SRGAP3: variants seen among roughly 807,000 people sequenced by gnomAD.
The protein encoded by SRGAP3 is SLIT-ROBO Rho GTPase-activating protein 3.
In SRGAP3, 39 loss-of-function variants were observed where a neutral mutation model predicts 121.1. The observed-to-expected ratio is 0.32, with a 90% CI of 0.25 to 0.42. The LOEUF is 0.42. Ranked by LOEUF, SRGAP3 falls within the 10% of genes least tolerant of loss-of-function variation. The probability of loss-of-function intolerance (pLI) is 1.00; values close to 1 mark genes in which losing one functional copy is unlikely to be tolerated. For synonymous variants in SRGAP3, 601 were observed against 570.0 expected (o/e 1.05, Z -0.77); for missense variants, 1,213 against 1,470.6 (o/e 0.82, Z 2.86).
intron 3 of SRGAP3, among the ~76,000 whole-genome samples, chr3:9,261,168 C>T (rs1442129590): frequency 1.3e-5 from 2 of 152,128 alleles, no homozygotes; most frequent in African/African-American, 2.4e-5. Context: ...ACAAAAAGGA[C>T]GTCCACGCAA....
chr3:9,188,965 T>C (rs1049768413), intron 1 of SRGAP3, among the ~76,000 whole-genome samples: 3 of 152,218 alleles, frequency 2.0e-5, no homozygotes, highest in South Asian at 2.1e-4. Context: ...ACTGGATTCA[T>C]TGAAGGATGG....
At chr3:9,289,630 T>C (rs956614806) in intron 3 of SRGAP3, among the ~76,000 whole-genome samples, 1 of 152,172 alleles carries the variant, frequency 6.6e-6, no homozygotes, top group Non-Finnish European at 1.5e-5. Flanking sequence ...CAGACAATTG[T>C]TTTTATCCTT....
At position 9,146,585 on chromosome 3, in the gene SRGAP3, A is replaced by G. The variant is rs561424020; in HGVS notation, c.68-21668T>C. 7.4e-4 allele frequency among the ~76,000 whole-genome samples: 112 copies of G among 152,358 alleles called. 1 individual carries two copies. The highest frequency in any genetic ancestry group is 1.3e-3 in the Non-Finnish European group (91 of 68,030). On this transcript the variant is annotated intron_variant, in intron 1 of 21. Coordinates refer to ENST00000383836, the MANE Select transcript of SRGAP3 (RefSeq NM_014850.4). ...CTACTCATACTTCAAGGCCCAATTC[A>G]GATGTCTCATGGGAGATGATGAGAT...
chr3:9,269,290 G>C (rs1451245957), intron 3 of SRGAP3, among the ~76,000 whole-genome samples: 2 of 152,208 alleles, frequency 1.3e-5, no homozygotes, highest in African/African-American at 2.4e-5. Context: ...AGGCCTGCCA[G>C]TCTGGAGTCC....
intron 1 of SRGAP3, chr3:9,217,510 A>G (rs2324708): frequency 0.33 from 49,777 of 151,954 alleles, 9,015 homozygotes; most frequent in Admixed American, 0.45. Context: ...AAGGAAGGGG[A>G]TCTACAGAGG....
chr3:8,998,604 T>C (rs560442850), intron 18 of SRGAP3, among the ~76,000 whole-genome samples: 37 of 152,230 alleles, frequency 2.4e-4, no homozygotes, highest in Non-Finnish European at 5.0e-4. Context: ...TATGTGTATA[T>C]ATACACACAT....
At chr3:9,100,946 G>A (rs975044385) in intron 3 of SRGAP3, among the ~76,000 whole-genome samples, 8 of 152,204 alleles carry the variant, frequency 5.3e-5, no homozygotes, top group African/African-American at 1.9e-4. Context: ...AGGAACCTGG[G>A]ACATCTGCCC....
intron 1 of SRGAP3, among the ~76,000 whole-genome samples, chr3:9,344,353 G>T (rs1249011365): frequency 2.0e-5 from 3 of 152,192 alleles, no homozygotes; most frequent in Admixed American, 6.5e-5. Flanking sequence ...TATTCAGGAG[G>T]CTGAGGCAGG....
chr3:9,349,016 G>A, intron 1 of SRGAP3: 1 of 948,236 alleles, frequency 1.1e-6, no homozygotes, highest in Non-Finnish European at 1.7e-6. Context: ...CCCGGGCATT[G>A]TCAAGCATCT....
At chr3:9,106,735 G>A (rs2124920151) in intron 2 of SRGAP3, among the ~76,000 whole-genome samples, 1 of 152,192 alleles carries the variant, frequency 6.6e-6, no homozygotes, top group South Asian at 2.1e-4. Flanking sequence ...ATGATTCTGA[G>A]GCTTCCCTAG....
intron 21 of SRGAP3, among the ~76,000 whole-genome samples, chr3:8,989,637 A>C (rs952387922): frequency 1.8e-4 from 27 of 152,236 alleles, no homozygotes; most frequent in Non-Finnish European, 5.9e-5. Context: ...ACCAAATTCC[A>C]GAGACAAAAA....
intron 3 of SRGAP3, among the ~76,000 whole-genome samples, chr3:9,284,875 G>A (rs1039424592): frequency 4.0e-5 from 6 of 150,020 alleles, no homozygotes; most frequent in East Asian, 1.9e-4. Context: ...TGAGGACCTC[G>A]ACAGGACCTT....
chr3:9,173,818 G>A (rs183741765), intron 1 of SRGAP3, among the ~76,000 whole-genome samples: 78 of 152,126 alleles, frequency 5.1e-4, no homozygotes, highest in African/African-American at 1.8e-3. Flanking sequence ...GGGACATATT[G>A]CAGTCTCTTA....
At chr3:9,179,055 T>C (rs1951284375) in intron 1 of SRGAP3, among the ~76,000 whole-genome samples, 1 of 152,128 alleles carries the variant, frequency 6.6e-6, no homozygotes, top group African/African-American at 2.4e-5. Flanking sequence ...ATCCTGCCCA[T>C]CGAACAAGAT....
intron 4 of SRGAP3, among the ~76,000 whole-genome samples, chr3:9,070,568 T>C (rs980896885): frequency 6.6e-6 from 1 of 152,068 alleles, no homozygotes; most frequent in East Asian, 1.9e-4. Context: ...TCAGTGAATA[T>C]GGCTGAATGG....
At chr3:9,008,345 G>A (rs1943188266) in intron 18 of SRGAP3, 1 of 152,220 alleles carries the variant, frequency 6.6e-6, no homozygotes, top group East Asian at 1.9e-4. Context: ...TCAGCCCGAG[G>A]AGCTGTGGAA....
intron 1 of SRGAP3, among the ~76,000 whole-genome samples, chr3:9,224,120 C>CA (rs1273712984): frequency 6.6e-6 from 1 of 152,206 alleles, no homozygotes; most frequent in Non-Finnish European, 1.5e-5. Flanking sequence ...ACCATGCCCG[C>CA]AGCCCTTCCA....
At chr3:9,272,718 G>T (rs2600165) in intron 3 of SRGAP3, among the ~76,000 whole-genome samples, 47,949 of 152,010 alleles carry the variant, frequency 0.32, 8,058 homozygotes, top group African/African-American at 0.42. Context: ...ATGAATATTG[G>T]TATAACTATT....
At chr3:9,075,162 G>A (rs1228425424) in intron 4 of SRGAP3, among the ~76,000 whole-genome samples, 1 of 152,212 alleles carries the variant, frequency 6.6e-6, no homozygotes, top group Non-Finnish European at 1.5e-5. Flanking sequence ...TGCCATACTG[G>A]TCCACGTTCT....
Sources: gnomAD v4.1 joint callset for allele counts (sites outside exome capture counted in the v4.1 genomes callset) on GRCh38, gnomAD v4.1.1 for gene constraint, MANE v1.5 for transcripts, NCBI Gene and HGNC (gene_info 2026-07-23, HGNC 2026-07-21) for gene names.